AKAP6: variants seen among roughly 807,000 people sequenced by gnomAD.
AKAP6 encodes A-kinase anchor protein 6.
A neutral mutation model predicts 188.5 loss-of-function variants in AKAP6; 58 were observed. The observed-to-expected ratio is 0.31, with a 90% CI of 0.25 to 0.38. The LOEUF is 0.38. Ranked by LOEUF, AKAP6 falls within the 10% of genes least tolerant of loss-of-function variation. The pLI is 1.00. For synonymous variants in AKAP6, 989 were observed against 998.6 expected (o/e 0.99, Z 0.18); for missense variants, 2,710 against 2,740.0 (o/e 0.99, Z 0.24).
intron 7 of AKAP6, among the ~76,000 whole-genome samples, chr14:32,674,336 C>T (rs1420056634): frequency 6.6e-6 from 1 of 151,990 alleles, no homozygotes; most frequent in Non-Finnish European, 1.5e-5. Context: ...ACTACTTTGG[C>T]CACTATAAGA....
intron 1 of AKAP6, among the ~76,000 whole-genome samples, chr14:32,413,082 G>T (rs531079853): frequency 1.3e-5 from 2 of 151,598 alleles, no homozygotes; most frequent in South Asian, 4.2e-4. Flanking sequence ...CTTTTTAACA[G>T]TATGTTATCT....
chr14:32,352,085 GTGTGTGTGTGTGTGTGTT>G (rs1373278727), intron 1 of AKAP6, among the ~76,000 whole-genome samples: 29 of 112,468 alleles, frequency 2.6e-4, no homozygotes, highest in African/African-American at 1.3e-3. Flanking sequence ...GTGTGTGTGT[GTGTGTGTGTGTGTGTGTT>G]TGTGTGTGTG....
intron 2 of AKAP6, among the ~76,000 whole-genome samples, chr14:32,483,749 T>G (rs746670339): frequency 1.2e-4 from 19 of 152,050 alleles, no homozygotes; most frequent in African/African-American, 1.9e-4. Flanking sequence ...CTCCCAAAGT[T>G]CTGGGATTAC....
intron 1 of AKAP6, among the ~76,000 whole-genome samples, chr14:32,355,917 G>A (rs1594534798): frequency 6.6e-6 from 1 of 152,128 alleles, no homozygotes; most frequent in East Asian, 1.9e-4. Flanking sequence ...TGGGATTACA[G>A]GCGCCTGCCA....
intron 1 of AKAP6, among the ~76,000 whole-genome samples, chr14:32,356,645 A>G (rs1887494388): frequency 6.6e-6 from 1 of 152,094 alleles, no homozygotes; most frequent in Non-Finnish European, 1.5e-5. Context: ...TGTATGTCAT[A>G]AAAAGCCCTC....
At chr14:32,769,722 A>G (rs547847925) in intron 11 of AKAP6, among the ~76,000 whole-genome samples, 1 of 152,104 alleles carries the variant, frequency 6.6e-6, no homozygotes, top group Non-Finnish European at 1.5e-5. Flanking sequence ...TTTTTAATAT[A>G]TACTTAGTTT....
chr14:32,798,890 A>T (rs2033854319), intron 12 of AKAP6, among the ~76,000 whole-genome samples: 1 of 152,160 alleles, frequency 6.6e-6, no homozygotes, highest in Non-Finnish European at 1.5e-5. Flanking sequence ...GGAAAAAAAA[A>T]AATAATACCT....
chr14:32,424,190 A>C (rs1447644869), intron 1 of AKAP6, among the ~76,000 whole-genome samples: 1 of 152,110 alleles, frequency 6.6e-6, no homozygotes, highest in African/African-American at 2.4e-5. Flanking sequence ...ACTGTAATTG[A>C]ATTATTCTTT....
intron 7 of AKAP6, among the ~76,000 whole-genome samples, chr14:32,656,839 A>C (rs1198523110): frequency 7.9e-5 from 12 of 152,130 alleles, no homozygotes; most frequent in Non-Finnish European, 1.6e-4. Context: ...CATGTTTATA[A>C]AGCAGGGTTC....
At chr14:32,535,219 C>T (rs1882619472) in intron 2 of AKAP6, among the ~76,000 whole-genome samples, 1 of 152,072 alleles carries the variant, frequency 6.6e-6, no homozygotes, top group East Asian at 1.9e-4. Context: ...CCACTGGTTC[C>T]CTTCCAGAAT....
intron 12 of AKAP6, among the ~76,000 whole-genome samples, chr14:32,789,470 T>C (rs1182888231): frequency 6.6e-6 from 1 of 152,128 alleles, no homozygotes; most frequent in Non-Finnish European, 1.5e-5. Context: ...ACAGGTGTGG[T>C]TGGGCCGGCA....
At chr14:32,723,018 T>C (rs2030634016) in intron 9 of AKAP6, among the ~76,000 whole-genome samples, 1 of 152,138 alleles carries the variant, frequency 6.6e-6, no homozygotes, top group South Asian at 2.1e-4. Context: ...GTGCAGTGTT[T>C]TTTCCTGCTG....
chr14:32,775,031 T>C (rs1441758950), intron 12 of AKAP6, among the ~76,000 whole-genome samples: 1 of 152,190 alleles, frequency 6.6e-6, no homozygotes, highest in Non-Finnish European at 1.5e-5. Flanking sequence ...GATTTTATCG[T>C]CAATAGTTCT....
Position 32,545,770 on chromosome 14 carries a change from A to G in AKAP6, c.1117A>G (p.Ile373Val). Reference sequence around the variant, plus strand: ...TGAAAATGCAACCCCCAAACGAACCATCAGAGATTGCTTTAATTATAACGA... The same window carrying G: ...TGAAAATGCAACCCCCAAACGAACCGTCAGAGATTGCTTTAATTATAACGA... ...PCENATPKRT[I>V]RDCFNYNEDS... The change falls in exon 4 of 14, where the codon ATC (isoleucine) becomes GTC (valine). Residue 373 changes from isoleucine to valine, a missense_variant. This residue lies in a region of AKAP6 where 2,473 missense variants were observed against 2,426.1 expected (regional missense o/e 1.02). Transcript: ENST00000280979. 1 of 1,614,232 alleles carries G rather than the reference A, an allele frequency of 6.2e-7. No individual in the cohort carries two copies.
intron 5 of AKAP6, among the ~76,000 whole-genome samples, chr14:32,597,168 C>G (rs1885739136): frequency 6.6e-6 from 1 of 152,188 alleles, no homozygotes; most frequent in South Asian, 2.1e-4. Context: ...ATTCTATACT[C>G]TTGGCTTCAA....
intron 12 of AKAP6, among the ~76,000 whole-genome samples, chr14:32,816,471 C>T (rs188388028): frequency 2.6e-5 from 4 of 152,296 alleles, no homozygotes; most frequent in Admixed American, 6.5e-5. Context: ...GCTGGAATTA[C>T]AAGCACGAGC....
intron 1 of AKAP6, among the ~76,000 whole-genome samples, chr14:32,358,407 A>C (rs995925904): frequency 6.6e-6 from 1 of 152,218 alleles, no homozygotes; most frequent in Non-Finnish European, 1.5e-5. Flanking sequence ...CTTGGCATAA[A>C]AATGAAATGA....
At chr14:32,528,320 G>A (rs900184873) in intron 2 of AKAP6, among the ~76,000 whole-genome samples, 1 of 151,544 alleles carries the variant, frequency 6.6e-6, no homozygotes, top group African/African-American at 2.4e-5. Context: ...TTAAGTCTGT[G>A]ATATATTTTG....
intron 9 of AKAP6, among the ~76,000 whole-genome samples, chr14:32,714,819 G>T (rs1398821205): frequency 6.6e-6 from 1 of 151,512 alleles, no homozygotes; most frequent in Non-Finnish European, 1.5e-5. Context: ...TTGTATTGTG[G>T]TACACACATT....
Sources: gnomAD v4.1 joint callset for allele counts (sites outside exome capture counted in the v4.1 genomes callset) on GRCh38, gnomAD v4.1.1 for gene constraint, gnomAD v4.1.1 regional missense constraint, MANE v1.5 for transcripts, NCBI Gene and HGNC (gene_info 2026-07-23, HGNC 2026-07-21) for gene names.